Variants in PUDP observed in about 807,000 individuals in gnomAD.
The protein encoded by PUDP is pseudouridine 5'-phosphatase.
Under a neutral mutation model 9.4 loss-of-function variants are expected in PUDP, and 8 were observed. The ratio of observed to expected loss-of-function variants is 0.85; its 90% CI spans 0.50 to 1.53. The LOEUF (loss-of-function observed/expected upper bound fraction) is 1.53, where lower values mean the gene tolerates loss of function less well. Ranked by LOEUF, PUDP falls within the 40% of genes most tolerant of loss-of-function variation. The probability of loss-of-function intolerance (pLI) is 0.00; values close to 1 mark genes in which losing one functional copy is unlikely to be tolerated. For missense variants in PUDP, 188 were observed against 189.7 expected (o/e 0.99, Z 0.05); for synonymous variants, 99 against 80.7 (o/e 1.23, Z -1.22).
chrX:7,133,330 A>G (rs1208745514), intron 1 of PUDP, among the ~76,000 whole-genome samples: 1 of 111,765 alleles, frequency 8.9e-6, no homozygotes, highest in African/African-American at 3.3e-5. Flanking sequence ...CCATGAGCTC[A>G]GAAGAGGTTT....
intron 3 of PUDP, among the ~76,000 whole-genome samples, chrX:6,858,743 C>T (rs1449026191): frequency 8.9e-6 from 1 of 112,030 alleles, no homozygotes; most frequent in African/African-American, 3.2e-5. Context: ...TAAGTTGGTA[C>T]AAAGTGCAGG....
Position 6,779,024 on chromosome X carries a change from A to T in PUDP, c.*248-72558T>A, listed in dbSNP as rs760695301. Among the ~76,000 whole-genome samples, 3 of 111,914 alleles carry T rather than the reference A, an allele frequency of 2.7e-5. No individual in the cohort carries two copies. The South Asian group carries it at 1.1e-3, about 42-fold the overall frequency. On this transcript the variant is annotated intron_variant and NMD_transcript_variant, in intron 3 of 3. Transcript: ENST00000655425. ...AGCATGGCACAAGGGCTCCAGCAGGATTGAAATATACTAGGTGCGCATAAG... is the reference window on the plus strand; with the variant it reads ...AGCATGGCACAAGGGCTCCAGCAGGTTTGAAATATACTAGGTGCGCATAAG...
At chrX:7,047,970 T>C (rs938730163), downstream of PUDP, among the ~76,000 whole-genome samples, 4 of 112,538 alleles carry the variant, frequency 3.6e-5, no homozygotes, top group African/African-American at 1.3e-4. Flanking sequence ...TGACTACTGT[T>C]GCACAGCAGC....
intron 2 of PUDP, among the ~76,000 whole-genome samples, chrX:7,080,378 C>T (rs1288427959): frequency 9.0e-6 from 1 of 111,391 alleles, no homozygotes; most frequent in Non-Finnish European, 1.9e-5. Context: ...GTAAATTTAC[C>T]AACTTCCCAA....
In PUDP at chrX:6,974,716, T is replaced by C. The variant is rs1026019260; in HGVS notation, c.*247+2417A>G. On this transcript the variant is annotated intron_variant and NMD_transcript_variant, in intron 3 of 3. Transcript: ENST00000655425. ...GGGGTTGCTCTTCTCAAGGAGTATCTTTGTGGTGTTCTCTGTATTTCCTGA... is the reference window on the plus strand; with the variant it reads ...GGGGTTGCTCTTCTCAAGGAGTATCCTTGTGGTGTTCTCTGTATTTCCTGA... Among the ~76,000 whole-genome samples, 3 of 111,673 alleles carry C rather than the reference T, an allele frequency of 2.7e-5. No individual in the cohort carries two copies. The East Asian group carries it at 8.5e-4, about 32-fold the overall frequency.
chrX:6,854,324 G>C (rs1262494009), intron 3 of PUDP, among the ~76,000 whole-genome samples: 1 of 111,047 alleles, frequency 9.0e-6, no homozygotes, highest in Non-Finnish European at 1.9e-5. Flanking sequence ...TTCAGAATCA[G>C]AAAAAAAGAA....
At chrX:6,950,116 T>A (rs1336581690) in intron 3 of PUDP, among the ~76,000 whole-genome samples, 2 of 109,959 alleles carry the variant, frequency 1.8e-5, no homozygotes, top group Non-Finnish European at 3.8e-5. Flanking sequence ...GGCAGGCAGA[T>A]CACTTGAGGT....
chrX:7,091,542 T>C (rs1446750393), intron 2 of PUDP, among the ~76,000 whole-genome samples: 2 of 110,619 alleles, frequency 1.8e-5, no homozygotes, highest in African/African-American at 6.7e-5. Flanking sequence ...GGTTTCACCA[T>C]GTTGGCCAGG....
At chrX:6,751,720 C>G (rs1466214671) in intron 3 of PUDP, among the ~76,000 whole-genome samples, 1 of 111,545 alleles carries the variant, frequency 9.0e-6, no homozygotes, top group Admixed American at 9.5e-5. Flanking sequence ...TTTCTCCTCA[C>G]TTCTCACCTC....
chrX:6,884,847 T>A (rs1927399714), intron 3 of PUDP, among the ~76,000 whole-genome samples: 1 of 112,277 alleles, frequency 8.9e-6, no homozygotes, highest in African/African-American at 3.2e-5. Context: ...GAATAAGGGT[T>A]TTATGAACAT....
At position 6,757,701 on chromosome X, in the gene PUDP, G is replaced by A. The variant is rs181334607; in HGVS notation, c.*248-51235C>T. ...TAAATTCAGACACATTCATTTGAAT[G>A]TGAACAATAGAGAGAGATGTCACTG... On this transcript the variant is annotated intron_variant and NMD_transcript_variant, in intron 3 of 3. Transcript: ENST00000655425. Among the ~76,000 whole-genome samples the A allele has an allele frequency of 1.6e-4, 18 of 112,454 alleles. No individual in the cohort carries two copies. In the East Asian group the frequency reaches 2.5e-3, roughly 16 times the overall value.
At chrX:7,146,609 C>T (rs1411811202) in intron 1 of PUDP, among the ~76,000 whole-genome samples, 1 of 110,785 alleles carries the variant, frequency 9.0e-6, no homozygotes, top group Non-Finnish European at 1.9e-5. Context: ...GTTTACACCT[C>T]TGTGTTCATA....
chrX:6,925,481 C>T (rs936545415), intron 3 of PUDP, among the ~76,000 whole-genome samples: 50 of 111,520 alleles, frequency 4.5e-4, no homozygotes, highest in Admixed American at 3.1e-3. Flanking sequence ...TCAGTGGATC[C>T]TCATGCTTCA....
At chrX:7,052,034 C>CTT (rs368667400) in intron 3 of PUDP, among the ~76,000 whole-genome samples, 5 of 101,014 alleles carry the variant, frequency 4.9e-5, no homozygotes, top group South Asian at 4.3e-4. Context: ...TCTGCATTTT[C>CTT]TTTTTTTTTT....
chrX:7,114,744 T>C (rs1051260810), intron 1 of PUDP, among the ~76,000 whole-genome samples: 1 of 112,345 alleles, frequency 8.9e-6, no homozygotes, highest in African/African-American at 3.2e-5. Flanking sequence ...ACTTGTGCTC[T>C]ATAAAGTTGT....
chrX:6,998,541 C>T (rs1929281580), intron 1 of PUDP, among the ~76,000 whole-genome samples: 1 of 110,986 alleles, frequency 9.0e-6, no homozygotes, highest in Admixed American at 9.6e-5. Context: ...AAAAAAAAAC[C>T]TCACAAAAAA....
At chrX:6,774,929 CTT>C (rs1925424028) in intron 3 of PUDP, among the ~76,000 whole-genome samples, 1 of 112,495 alleles carries the variant, frequency 8.9e-6, no homozygotes, top group South Asian at 3.7e-4. Flanking sequence ...ATCAGAATCT[CTT>C]GAGGGTGCTG....
At chrX:7,067,332 T>C (rs900025246) in intron 3 of PUDP, among the ~76,000 whole-genome samples, 1 of 111,733 alleles carries the variant, frequency 8.9e-6, no homozygotes, top group Non-Finnish European at 1.9e-5. Flanking sequence ...TCGAGGTCTC[T>C]GCAGGGCTGT....
chrX:6,793,167 A>G (rs1855389592), intron 3 of PUDP, among the ~76,000 whole-genome samples: 1 of 112,825 alleles, frequency 8.9e-6, no homozygotes, highest in Admixed American at 9.4e-5. Context: ...CCTCCAGAGG[A>G]GACAGACTAT....
Sources: allele counts gnomAD v4.1 joint callset (sites outside exome capture counted in the v4.1 genomes callset), GRCh38; gene constraint gnomAD v4.1.1; transcripts MANE v1.5; gene names NCBI Gene and HGNC (gene_info 2026-07-23, HGNC 2026-07-21).